Variants in C6 observed in about 807,000 individuals in gnomAD.
C6 encodes complement component C6.
In C6, 101 loss-of-function variants were observed where a neutral mutation model predicts 112.9. The observed-to-expected ratio is 0.89, with a 90% CI of 0.76 to 1.06. The LOEUF is 1.06. Among genes scored for constraint, C6 ranks in the 50% least tolerant of loss-of-function variants. The pLI is 0.00. For missense variants in C6, 1,202 were observed against 1,104.6 expected, an observed-to-expected ratio of 1.09 and a Z score of -1.25; for synonymous variants, 431 against 384.1, an observed-to-expected ratio of 1.12 and a Z score of -1.43.
intron 6 of C6, among the ~76,000 whole-genome samples, chr5:41,182,185 T>G (rs1561138418): frequency 6.6e-6 from 1 of 152,188 alleles, no homozygotes; most frequent in African/African-American, 2.4e-5. Context: ...TTCCCTACTC[T>G]TTTTGGCCAA....
chr5:41,160,431 G>T (rs1747376986), intron 10 of C6, 64 bp from the exon 11 acceptor site: 2 of 1,244,454 alleles, frequency 1.6e-6, no homozygotes, highest in Non-Finnish European at 2.4e-6. Context: ...TGCCATTACT[G>T]CCCAGTTCTC....
At chr5:41,218,471 A>C (rs1738950721), upstream of C6, among the ~76,000 whole-genome samples, 1 of 152,206 alleles carries the variant, frequency 6.6e-6, no homozygotes. Flanking sequence ...TAAATGAATT[A>C]TATGGTTTTT....
chr5:41,162,545 A>T (rs966807581), intron 9 of C6, among the ~76,000 whole-genome samples: 2 of 152,232 alleles, frequency 1.3e-5, no homozygotes, highest in African/African-American at 4.8e-5. Context: ...ACAAATTGCC[A>T]TAACAATTTC....
At chr5:41,207,058 T>A (rs1036117811) in intron 1 of C6, among the ~76,000 whole-genome samples, 1 of 152,024 alleles carries the variant, frequency 6.6e-6, no homozygotes, top group Non-Finnish European at 1.5e-5. Context: ...CAGAAGAGAG[T>A]AGGGGCCAAT....
intron 9 of C6, among the ~76,000 whole-genome samples, chr5:41,165,047 T>C (rs150385683): frequency 1.3e-5 from 2 of 152,318 alleles, no homozygotes; most frequent in Non-Finnish European, 2.9e-5. Context: ...TGCTATAGAT[T>C]AGCTTTGCAT....
At chr5:41,251,566 A>G (rs1395375643) in intron 1 of C6, among the ~76,000 whole-genome samples, 1 of 152,240 alleles carries the variant, frequency 6.6e-6, no homozygotes, top group Non-Finnish European at 1.5e-5. Flanking sequence ...AAAGTTTGGA[A>G]CAGCTGAATC....
At position 41,149,240 on chromosome 5, in the gene C6, C is replaced by G. The variant is rs113477719; in HGVS notation, c.2623+1G>C. 6.2e-7 allele frequency: 1 copy of G among 1,613,952 alleles called. No individual in the cohort carries two copies. The highest frequency in any genetic ancestry group is 1.3e-5 in the African/African-American group (1 of 75,008). The stretch of plus-strand genomic sequence containing the variant: ...TTAGTATGGTCACCATTGGAACTTA[C>G]CTGAACATTTTTCCCAGTCATAGCA... On this transcript the variant is annotated splice_donor_variant, in intron 17 of 17. Transcript: ENST00000337836. LOFTEE classifies it high-confidence loss of function.
At chr5:41,260,540 C>T (rs936824101) in intron 1 of C6, among the ~76,000 whole-genome samples, 1 of 150,434 alleles carries the variant, frequency 6.6e-6, no homozygotes, top group Non-Finnish European at 1.5e-5. Context: ...GAGGCCGAGG[C>T]GGTCGTATCA....
intron 1 of C6, among the ~76,000 whole-genome samples, chr5:41,233,787 A>G (rs906498904): frequency 6.6e-6 from 1 of 152,058 alleles, no homozygotes; most frequent in African/African-American, 2.4e-5. Context: ...TCCAAATGAG[A>G]CCTGATCATT....
At chr5:41,229,389 T>C (rs990277944) in intron 1 of C6, among the ~76,000 whole-genome samples, 1 of 152,070 alleles carries the variant, frequency 6.6e-6, no homozygotes, top group African/African-American at 2.4e-5. Flanking sequence ...CCACTCTCAT[T>C]GTGTCAATAT....
At chr5:41,170,666 C>T (rs1748353604) in intron 9 of C6, among the ~76,000 whole-genome samples, 1 of 152,068 alleles carries the variant, frequency 6.6e-6, no homozygotes, top group South Asian at 2.1e-4. Context: ...TGTAGACCAT[C>T]TACCTGTTCT....
chr5:41,258,963 G>T lies in C6; in HGVS notation c.-21+2231C>A, dbSNP rs371753705. ...ACCCTTGACATGTGGGGATTATGAG[G>T]ATTACAATTCAAGGTGAGATTTGGG... On this transcript the variant is annotated intron_variant, in intron 1 of 17. Transcript: ENST00000263413. 2.0e-5 allele frequency among the ~76,000 whole-genome samples: 3 copies of T among 152,118 alleles called. No individual in the cohort carries two copies. In the East Asian group the frequency reaches 5.8e-4, roughly 29 times the overall value.
At position 41,154,972 on chromosome 5, in the gene C6, G is replaced by A. The variant is rs199930769; in HGVS notation, c.2101C>T (p.Arg701Trp). 4.1e-5 allele frequency: 66 copies of A among 1,613,616 alleles called. No individual in the cohort carries two copies. In the Admixed American group the frequency reaches 5.5e-4, roughly 13 times the overall value. ...TWRQGDVECQ[R>W]TECIKPVVQE... ...GCAAAATTGTTTGCCCAGTTCTCAC[G>A]TTGGCATTCCACATCCCCTTGTCTC... is the stretch of plus-strand genomic sequence containing the variant. The change falls in exon 14 of 18, where the codon CGG becomes TGG. Residue 701 changes from arginine to tryptophan, a missense_variant and splice_region_variant. By Grantham distance (101) the Arg-to-Trp change is moderately radical (BLOSUM62 -3). Transcript: ENST00000337836.
chr5:41,146,921 CAAA>C (rs373241654), intron 17 of C6, among the ~76,000 whole-genome samples: 1 of 144,834 alleles, frequency 6.9e-6, no homozygotes, highest in African/African-American at 2.5e-5. Context: ...GGGAAGATAG[CAAA>C]AAAAAAAATT....
chr5:41,200,718 G>A (rs1050339539), intron 3 of C6, among the ~76,000 whole-genome samples: 1 of 152,056 alleles, frequency 6.6e-6, no homozygotes, highest in Non-Finnish European at 1.5e-5. Context: ...ACAGGAATGA[G>A]TTTGTGGTGG....
At chr5:41,245,746 T>A (rs528351009) in intron 1 of C6, among the ~76,000 whole-genome samples, 7 of 152,288 alleles carry the variant, frequency 4.6e-5, no homozygotes, top group Admixed American at 1.3e-4. Context: ...GATTTTTTTT[T>A]AAATCTTGAA....
intron 13 of C6, among the ~76,000 whole-genome samples, chr5:41,156,731 T>C (rs1294219771): frequency 1.3e-5 from 2 of 152,222 alleles, no homozygotes; most frequent in African/African-American, 2.4e-5. Flanking sequence ...ATTACTGATA[T>C]GGCTTTGTTT....
At chr5:41,228,312 A>G (rs1269960576) in intron 1 of C6, among the ~76,000 whole-genome samples, 2 of 152,062 alleles carry the variant, frequency 1.3e-5, no homozygotes, top group Admixed American at 1.3e-4. Context: ...TTGATTTCAT[A>G]TCCTGCCACT....
intron 1 of C6, among the ~76,000 whole-genome samples, chr5:41,248,957 G>T (rs1741181101): frequency 6.6e-6 from 1 of 151,940 alleles, no homozygotes; most frequent in Non-Finnish European, 1.5e-5. Context: ...TATACACTGT[G>T]GAATACTATA....
Sources: allele counts gnomAD v4.1 joint callset (sites outside exome capture counted in the v4.1 genomes callset), GRCh38; gene constraint gnomAD v4.1.1; transcripts MANE v1.5; gene names NCBI Gene and HGNC (gene_info 2026-07-23, HGNC 2026-07-21).